Variants in PPP1CC observed in about 807,000 individuals in gnomAD.
The protein encoded by PPP1CC is protein phosphatase 1 catalytic subunit gamma, also known as serine/threonine-protein phosphatase PP1-gamma catalytic subunit.
A neutral mutation model predicts 38.4 loss-of-function variants in PPP1CC; 16 were observed. The observed-to-expected ratio is 0.42, with a 90% CI of 0.28 to 0.63. The LOEUF (loss-of-function observed/expected upper bound fraction) is 0.63. Ranked by LOEUF, PPP1CC falls within the 30% of genes least tolerant of loss-of-function variation. The pLI is 0.25. For synonymous variants in PPP1CC, 158 were observed against 136.0 expected (o/e 1.16, Z -1.13); for missense variants, 170 against 391.3 (o/e 0.43, Z 4.77).
At chr12:110,725,102 CAT>C (rs1280859820) in intron 3 of PPP1CC, 1 of 155,712 alleles carries the variant, frequency 6.4e-6, no homozygotes, top group African/African-American at 2.4e-5. Flanking sequence ...AGGAGAGACA[CAT>C]ATCTGATCTA....
intron 2 of PPP1CC, among the ~76,000 whole-genome samples, chr12:110,731,061 T>C (rs1226723744): frequency 6.6e-6 from 1 of 152,202 alleles, no homozygotes; most frequent in Non-Finnish European, 1.5e-5. Flanking sequence ...CCAAGTAACA[T>C]GGTATCCCTT....
rs373102220 is a variant in PPP1CC at position 110,721,157 on chromosome 12, C to T, written c.891G>A (p.Lys297=). 35 of 1,613,246 alleles carry T rather than the reference C, an allele frequency of 2.2e-5. No individual in the cohort carries two copies. Among genetic ancestry groups the T allele is most frequent in the East Asian group, 1.8e-4 (8 of 44,878 alleles). ...ETLMCSFQIL[K]PAEKKKPNAT... The stretch of plus-strand genomic sequence containing the variant: ...CATTTGGCTTCTTTTTCTCTGCAGG[C>T]TTTAAAATCTGGAGATTCAAAAGAC... The change falls in exon 7 of 7, where the codon AAG becomes AAA. Residue 297 remains lysine, a synonymous_variant. Transcript: ENST00000335007.
chr12:110,721,391 TGAG>T, intron 6 of PPP1CC: 7 of 406,606 alleles, frequency 1.7e-5, no homozygotes, highest in Middle Eastern at 6.8e-4. Flanking sequence ...ATTTTGCCTC[TGAG>T]TATAATGACA....
At position 110,720,554 on chromosome 12, in the gene PPP1CC, C is replaced by T. The variant is rs2069726616; in HGVS notation, c.*522G>A. ...TGAAAGTTACTCCTAATGTTGATAG[C>T]TATAAAAACTAGTTTGTACATAACA... On this transcript the variant is annotated 3_prime_UTR_variant, in exon 7 of 7. Transcript: ENST00000335007. The T allele has an allele frequency of 8.8e-6, 2 of 226,544 alleles. No homozygotes were observed. Among genetic ancestry groups the T allele is most frequent in the Non-Finnish European group, 1.7e-5 (2 of 114,756 alleles). 14.0% of individuals were successfully genotyped at this position (226,544 alleles called of 1,614,324 possible). A position where few individuals can be genotyped will look rare whatever the true frequency, so the allele number is the denominator to read the frequency against.
In PPP1CC at chr12:110,722,720, A is replaced by T; in HGVS notation, c.524-25T>A. 6.5e-7 allele frequency: 1 copy of T among 1,530,002 alleles called. No individual in the cohort carries two copies. 94.8% of individuals were successfully genotyped at this position (1,530,002 alleles called of 1,614,324 possible). A position where few individuals can be genotyped will look rare whatever the true frequency, so the allele number is the denominator to read the frequency against. ...CCTATTCAATGAGGAAAAAAAAAAA[A>T]TGAAGAAAGCAGAACTTTTAAAAGG... On this transcript the variant is annotated intron_variant, in intron 4 of 6. Transcript: ENST00000335007. This position sits in a 1 kb window ranked among gnomAD's most constrained non-coding sequence, Gnocchi z 5.4.
In PPP1CC at chr12:110,742,803, TGGC is replaced by T; in HGVS notation, c.-99_-97del. On this transcript the variant is annotated 5_prime_UTR_variant, in exon 1 of 7. Transcript: ENST00000335007. ...CCCACGCCACGAGCAGAGGCGGTGG[TGGC>T]GGCGGTGGCAGCAGCCGCGGCGGGT... The T allele has an allele frequency of 9.5e-7, 1 of 1,047,864 alleles. No individual in the cohort carries two copies. Among genetic ancestry groups the T allele is most frequent in the Non-Finnish European group, 1.3e-6 (1 of 798,970 alleles). The allele number at this position is 1,047,864 out of a possible 1,614,324, so 64.9% of individuals were successfully genotyped here.
downstream of PPP1CC, among the ~76,000 whole-genome samples, chr12:110,716,483 G>C (rs1335846607): frequency 6.6e-6 from 1 of 151,990 alleles, no homozygotes; most frequent in Non-Finnish European, 1.5e-5. Flanking sequence ...CTCCCGAGTA[G>C]CTGGGATTAC....
chr12:110,737,594 C>G (rs1445077839), intron 1 of PPP1CC, among the ~76,000 whole-genome samples: 1 of 151,452 alleles, frequency 6.6e-6, no homozygotes, highest in African/African-American at 2.4e-5. Context: ...GTTTCCACAC[C>G]CTGCCCTCTC....
the PPP1CC span, among the ~76,000 whole-genome samples, chr12:110,708,753 A>G: frequency 6.6e-6 from 1 of 151,790 alleles, no homozygotes; most frequent in African/African-American, 2.4e-5. Context: ...GGAGGCTGAG[A>G]CAGGAAAATT....
chr12:110,724,377 G>A (rs73194032), intron 4 of PPP1CC, among the ~76,000 whole-genome samples: 25,175 of 152,078 alleles, frequency 0.17, 3,090 homozygotes, highest in African/African-American at 0.35. Context: ...ACTGGGCAAC[G>A]TGGTGAGAAC....
chr12:110,716,307 T>C (rs1314232619), downstream of PPP1CC, among the ~76,000 whole-genome samples: 4 of 152,176 alleles, frequency 2.6e-5, no homozygotes, highest in African/African-American at 9.7e-5. Flanking sequence ...CTTGAACTTA[T>C]GTAGGTAAAA....
chr12:110,738,023 C>T (rs972638098), intron 1 of PPP1CC, among the ~76,000 whole-genome samples: 2 of 152,076 alleles, frequency 1.3e-5, no homozygotes, highest in Non-Finnish European at 2.9e-5. Context: ...TTCTACACCT[C>T]GAGTAAAGCC....
chr12:110,731,388 T>C (rs1300982205), intron 2 of PPP1CC, among the ~76,000 whole-genome samples: 1 of 152,210 alleles, frequency 6.6e-6, no homozygotes, highest in Non-Finnish European at 1.5e-5. Context: ...GCTTCTATTA[T>C]GCAGAAAACA....
chr12:110,742,773 C>G lies in PPP1CC; in HGVS notation c.-66G>C. On this transcript the variant is annotated 5_prime_UTR_variant, in exon 1 of 7. Transcript: ENST00000335007. Reference sequence around the variant, plus strand: ...CGGCTCGCGCCCGGGACTCACACCTCCTTTCCCACGCCACGAGCAGAGGCG... The same window carrying G: ...CGGCTCGCGCCCGGGACTCACACCTGCTTTCCCACGCCACGAGCAGAGGCG... The G allele has an allele frequency of 7.9e-7, 1 of 1,264,210 alleles. No homozygotes were observed. Among genetic ancestry groups the G allele is most frequent in the East Asian group, 3.1e-5 (1 of 32,082 alleles). The allele number at this position is 1,264,210 out of a possible 1,614,324, so 78.3% of individuals were successfully genotyped here.
At position 110,724,759 on chromosome 12, in the gene PPP1CC, T is replaced by C; in HGVS notation, c.424A>G (p.Arg142Gly). 6.4e-7 allele frequency: 1 copy of C among 1,563,218 alleles called. No homozygotes were observed. Among genetic ancestry groups the C allele is most frequent in the Non-Finnish European group, 8.8e-7 (1 of 1,133,974 alleles). Residue 142 changes from arginine to glycine, a missense_variant, in exon 4 of 7, where the codon AGA becomes GGA. Physicochemically the swap from Arg to Gly is moderately radical, Grantham distance 125. Around this residue, in one of 3 missense-constraint regions of PPP1CC, gnomAD observed 117 missense variants for 344.4 expected, o/e 0.34. Transcript: ENST00000335007. Reference sequence around the variant, plus strand: ...TTCCATAGTTTAATGTTGTATCTTCTTTTACCTGTGATTAAAAAGAGAGTA... The same window carrying C: ...TTCCATAGTTTAATGTTGTATCTTCCTTTACCTGTGATTAAAAAGAGAGTA... ...RIYGFYDECK[R>G]RYNIKLWKTF...
intron 1 of PPP1CC, among the ~76,000 whole-genome samples, chr12:110,737,794 A>C (rs984075155): frequency 6.6e-6 from 1 of 152,036 alleles, no homozygotes; most frequent in Admixed American, 6.6e-5. Context: ...AAAAAGAAAA[A>C]AAAATTAGCC....
the PPP1CC span, among the ~76,000 whole-genome samples, chr12:110,711,240 A>G: frequency 6.6e-6 from 1 of 151,994 alleles, no homozygotes; most frequent in Non-Finnish European, 1.5e-5. Flanking sequence ...AAATACATAT[A>G]TTTCTCTTTC....
At position 110,720,248 on chromosome 12, in the gene PPP1CC, T is replaced by A; in HGVS notation, c.*828A>T. 6.9e-7 allele frequency: 1 copy of A among 1,459,552 alleles called. No homozygotes were observed. 90.4% of individuals were successfully genotyped at this position (1,459,552 alleles called of 1,614,324 possible). A position where few individuals can be genotyped will look rare whatever the true frequency, so the allele number is the denominator to read the frequency against. ...ATGAATAGACTATATGGAAATTGTA[T>A]AAAATGTTATTACCTTTTATCGTTA... On this transcript the variant is annotated 3_prime_UTR_variant, in exon 7 of 7. Coordinates refer to ENST00000335007, the MANE Select transcript of PPP1CC (RefSeq NM_002710.4).
intron 6 of PPP1CC, 106 bp from the exon 7 acceptor site, chr12:110,721,271 C>T (rs2069736101): frequency 9.2e-6 from 8 of 868,590 alleles, no homozygotes; most frequent in Middle Eastern, 2.3e-4. Flanking sequence ...TCACAACTGC[C>T]CCAACAACTG....
Sources: allele counts gnomAD v4.1 joint callset (sites outside exome capture counted in the v4.1 genomes callset), GRCh38; gene constraint gnomAD v4.1.1; regional missense constraint gnomAD v4.1.1; non-coding constraint Gnocchi (gnomAD v3.1); transcripts MANE v1.5; gene names NCBI Gene and HGNC (gene_info 2026-07-23, HGNC 2026-07-21).